Variants in CERKL observed in about 807,000 individuals in gnomAD.
CERKL encodes the protein ceramide kinase-like protein.
In CERKL, 61 loss-of-function variants were observed where a neutral mutation model predicts 63.4. The observed-to-expected ratio is 0.96, with a 90% CI of 0.78 to 1.19. The LOEUF is 1.19. Ranked by LOEUF, CERKL falls within the 50% of genes most tolerant of loss-of-function variation. CERKL has a pLI of 0.00. For synonymous variants in CERKL, 250 were observed against 230.5 expected (o/e 1.08, Z -0.77); for missense variants, 675 against 655.5 (o/e 1.03, Z -0.33).
intron 1 of CERKL, among the ~76,000 whole-genome samples, chr2:181,654,680 C>G (rs1335058074): frequency 1.3e-5 from 2 of 152,186 alleles, no homozygotes; most frequent in Admixed American, 6.5e-5. Context: ...TCCATTTAAT[C>G]TTTTACCACT....
At chr2:181,609,609 G>A (rs1267151181) in intron 1 of CERKL, among the ~76,000 whole-genome samples, 1 of 150,714 alleles carries the variant, frequency 6.6e-6, no homozygotes, top group Non-Finnish European at 1.5e-5. Flanking sequence ...AAGAGGTTGA[G>A]GCAGGAGAAT....
chr2:181,643,768 C>G (rs114263259), intron 1 of CERKL, among the ~76,000 whole-genome samples: 4 of 152,174 alleles, frequency 2.6e-5, no homozygotes, highest in Non-Finnish European at 4.4e-5. Flanking sequence ...ATTGATCACT[C>G]TTAAACATAC....
At chr2:181,620,551 C>T (rs1353916376) in intron 1 of CERKL, among the ~76,000 whole-genome samples, 1 of 152,166 alleles carries the variant, frequency 6.6e-6, no homozygotes, top group Non-Finnish European at 1.5e-5. Flanking sequence ...TATTTGAACT[C>T]GGCACAGGCA....
chr2:181,656,893 C>A lies in CERKL; in HGVS notation c.114G>T (p.Gln38His). Residue 38 changes from glutamine (Q) to histidine (H), a missense_variant, in exon 1 of 13, where the codon CAG becomes CAT. Coordinates refer to ENST00000410087, the MANE Select transcript of CERKL (RefSeq NM_201548.5). The part of the protein sequence containing the change: ...VPPALLTSPQ[Q>H]TEAAAERILL... ...GAATCCGCTCGGCCGCCGCCTCCGT[C>A]TGCTGCGGGGACGTTAACAGCGCCG... 1 of 1,605,416 alleles carries A rather than the reference C, an allele frequency of 6.2e-7. No individual in the cohort carries two copies. Among genetic ancestry groups the A allele is most frequent in the Non-Finnish European group, 8.5e-7 (1 of 1,175,234 alleles).
At chr2:181,548,329 CA>C (rs776536804) in intron 8 of CERKL, 33 of 571,852 alleles carry the variant, frequency 5.8e-5, no homozygotes, top group South Asian at 1.6e-4. Context: ...GAGGGAGAGA[CA>C]GGGGGAAGGA....
rs1157763830 is a variant in CERKL, at chr2:181,558,466, A to T, written c.820+100T>A. The T allele has an allele frequency of 3.9e-5, 52 of 1,321,602 alleles. No homozygotes were observed. The highest frequency in any genetic ancestry group is 5.2e-5 in the Non-Finnish European group (48 of 925,968). 81.9% of individuals were successfully genotyped at this position (1,321,602 alleles called of 1,614,324 possible). On this transcript the variant is annotated intron_variant, in intron 5 of 12. Coordinates refer to ENST00000410087, the MANE Select transcript of CERKL (RefSeq NM_201548.5). This position sits in a 1 kb window ranked among gnomAD's most constrained non-coding sequence, Gnocchi z 4.2. The stretch of plus-strand genomic sequence containing the variant: ...GATGCCAGAAGTCTGGATCTTTCAA[A>T]GTCTGTTCATTAATTCTGTGTTGTG...
intron 4 of CERKL, among the ~76,000 whole-genome samples, chr2:181,563,780 TTCTC>T (rs1192568535): frequency 6.6e-6 from 1 of 151,838 alleles, no homozygotes; most frequent in African/African-American, 2.4e-5. Flanking sequence ...GTTTCTATTA[TTCTC>T]CTCATATATC....
At chr2:181,652,503 G>T (rs1220912760) in intron 1 of CERKL, among the ~76,000 whole-genome samples, 1 of 152,002 alleles carries the variant, frequency 6.6e-6, no homozygotes, top group African/African-American at 2.4e-5. Context: ...ATAGATTAAA[G>T]ATTTAAAATG....
intron 2 of CERKL, among the ~76,000 whole-genome samples, chr2:181,594,758 GA>G (rs575985058): frequency 2.0e-5 from 3 of 151,926 alleles, no homozygotes; most frequent in African/African-American, 7.3e-5. Flanking sequence ...TCGACAAGGA[GA>G]AAAAAATGGT....
chr2:181,539,313 T>C (rs758464705), intron 11 of CERKL, 49 bp from the exon 12 acceptor site: 30 of 1,228,912 alleles, frequency 2.4e-5, no homozygotes, highest in Non-Finnish European at 3.2e-5. Flanking sequence ...CTCTAGCTAC[T>C]AACGCGAATC....
intron 7 of CERKL, 32 bp downstream of exon 7, chr2:181,548,648 G>C (rs369454299): frequency 6.2e-7 from 1 of 1,612,476 alleles, no homozygotes; most frequent in African/African-American, 1.3e-5. Context: ...TTGAACCTGG[G>C]ATACAATTTT....
intron 2 of CERKL, among the ~76,000 whole-genome samples, chr2:181,590,313 T>C (rs768429931): frequency 2.0e-5 from 3 of 151,986 alleles, no homozygotes; most frequent in African/African-American, 7.3e-5. Context: ...AATGTTCTTC[T>C]ATTTTTAGTA....
intron 1 of CERKL, among the ~76,000 whole-genome samples, chr2:181,654,257 A>G (rs1462907157): frequency 1.3e-5 from 2 of 152,124 alleles, no homozygotes; most frequent in Non-Finnish European, 2.9e-5. Flanking sequence ...AGGGAAGGGT[A>G]ATAACACATC....
chr2:181,635,298 G>GT (rs1279509551), intron 1 of CERKL, among the ~76,000 whole-genome samples: 2 of 151,932 alleles, frequency 1.3e-5, no homozygotes, highest in Admixed American at 6.6e-5. Context: ...AAGACATATT[G>GT]TTTTTTCCTC....
At chr2:181,620,437 G>A (rs1361723011) in intron 1 of CERKL, among the ~76,000 whole-genome samples, 8 of 152,102 alleles carry the variant, frequency 5.3e-5, no homozygotes, top group Admixed American at 5.2e-4. Flanking sequence ...AACACTAAAA[G>A]TCTGACTTTT....
chr2:181,629,978 A>AT lies in CERKL; in HGVS notation c.239-25900_239-25899insA, dbSNP rs948977744. On this transcript the variant is annotated intron_variant, in intron 1 of 12. Coordinates refer to ENST00000410087, the MANE Select transcript of CERKL (RefSeq NM_201548.5). ...ATTGTCTTGGAAAAAAAAAAAAAAA[A>AT]CACAAGAAGCCTCACCTCACTATTA... is the stretch of plus-strand genomic sequence containing the variant. Among the ~76,000 whole-genome samples the AT allele has an allele frequency of 2.1e-5, 3 of 145,958 alleles. No homozygotes were observed. The East Asian group carries it at 6.1e-4, about 30-fold the overall frequency.
chr2:181,656,771 G>C lies in CERKL; in HGVS notation c.236C>G (p.Ala79Gly). Residue 79 changes from alanine (A) to glycine (G), a missense_variant and splice_region_variant, in exon 1 of 13, where the codon GCG becomes GGG. Coordinates refer to ENST00000410087, the MANE Select transcript of CERKL (RefSeq NM_201548.5). ...RWRPIQPERP[A>G]GDSKYDLLCK... ...GACGCTTGGGGCCGGGCACTCACCCGCCGGGCGCTCGGGCTGAATGGGCCG... is the reference window on the plus strand; with the variant it reads ...GACGCTTGGGGCCGGGCACTCACCCCCCGGGCGCTCGGGCTGAATGGGCCG... 2 of 1,591,174 alleles carry C rather than the reference G, an allele frequency of 1.3e-6. No individual in the cohort carries two copies. The highest frequency in any genetic ancestry group is 1.1e-5 in the South Asian group (1 of 89,006).
intron 11 of CERKL, among the ~76,000 whole-genome samples, chr2:181,540,953 G>C (rs1285667817): frequency 6.6e-6 from 1 of 152,170 alleles, no homozygotes; most frequent in African/African-American, 2.4e-5. Context: ...GGAGAAGAAA[G>C]TCTGGAGAGA....
chr2:181,625,564 C>A (rs1229073648), intron 1 of CERKL, among the ~76,000 whole-genome samples: 1 of 152,076 alleles, frequency 6.6e-6, no homozygotes, highest in African/African-American at 2.4e-5. Flanking sequence ...TCTTATAGTA[C>A]CACACAGCTT....
Sources: allele counts gnomAD v4.1 joint callset (sites outside exome capture counted in the v4.1 genomes callset), GRCh38; gene constraint gnomAD v4.1.1; non-coding constraint Gnocchi (gnomAD v3.1); transcripts MANE v1.5; gene names NCBI Gene and HGNC (gene_info 2026-07-23, HGNC 2026-07-21).